Variants in CERT1 observed in about 807,000 individuals in gnomAD.
CERT1 encodes ceramide transfer protein.
CERT1 carries 31 observed loss-of-function variants against 87.9 expected under a neutral mutation model. That is an observed-to-expected ratio of 0.35 (90% CI 0.27 to 0.48). The LOEUF (loss-of-function observed/expected upper bound fraction) is 0.48. Ranked by LOEUF, CERT1 falls within the 20% of genes least tolerant of loss-of-function variation. CERT1 has a pLI of 0.99. For synonymous variants in CERT1, 289 were observed against 250.9 expected (o/e 1.15, Z -1.44); for missense variants, 487 against 758.0 (o/e 0.64, Z 4.20).
At chr5:75,393,440 C>T (rs1344438112) in intron 11 of CERT1, among the ~76,000 whole-genome samples, 1 of 151,274 alleles carries the variant, frequency 6.6e-6, no homozygotes, top group East Asian at 1.9e-4. Context: ...TTTTCTAACA[C>T]TATTACCCAG....
chr5:75,452,324 A>G (rs1056325621), intron 3 of CERT1, among the ~76,000 whole-genome samples: 1 of 152,212 alleles, frequency 6.6e-6, no homozygotes, highest in African/African-American at 2.4e-5. Context: ...TGTGGCCCAT[A>G]GGCACCAACA....
At chr5:75,397,880 A>G (rs1394503375) in intron 11 of CERT1, among the ~76,000 whole-genome samples, 1 of 152,114 alleles carries the variant, frequency 6.6e-6, no homozygotes, top group Non-Finnish European at 1.5e-5. Context: ...TTAGCTGGGC[A>G]TAGTGGTGCG....
rs376286710 is a variant in CERT1 at position 75,392,709 on chromosome 5, C to A, written c.1189-3022G>T. ...GGGAGGCCAGGTGCGGTGGCTCACGCCTGTAATCCCAGCACTTTGGGAGGC... is the reference window on the plus strand; with the variant it reads ...GGGAGGCCAGGTGCGGTGGCTCACGACTGTAATCCCAGCACTTTGGGAGGC... On this transcript the variant is annotated intron_variant, in intron 11 of 16. Transcript: ENST00000643780. 1.1e-4 allele frequency among the ~76,000 whole-genome samples: 16 copies of A among 152,084 alleles called. No individual in the cohort carries two copies. The South Asian group carries it at 3.3e-3, about 32-fold the overall frequency.
At chr5:75,461,645 A>G (rs184591906) in intron 2 of CERT1, among the ~76,000 whole-genome samples, 3 of 152,336 alleles carry the variant, frequency 2.0e-5, no homozygotes, top group Admixed American at 1.3e-4. Flanking sequence ...GAAAAATAAA[A>G]GAACATATAG....
At chr5:75,502,861 G>T (rs756680227) in intron 2 of CERT1, among the ~76,000 whole-genome samples, 2 of 151,914 alleles carry the variant, frequency 1.3e-5, no homozygotes, top group Non-Finnish European at 2.9e-5. Context: ...TCTACTATGC[G>T]GCAAATTTTG....
At chr5:75,428,307 C>A (rs1342284828) in intron 3 of CERT1, among the ~76,000 whole-genome samples, 10 of 143,296 alleles carry the variant, frequency 7.0e-5, no homozygotes, top group African/African-American at 2.5e-4. Flanking sequence ...GGCACCCAAT[C>A]AAAAAAAACG....
At position 75,451,240 on chromosome 5, in the gene CERT1, T is replaced by A. The variant is rs564228421; in HGVS notation, c.348+7825A>T. Among the ~76,000 whole-genome samples, 6 of 152,324 alleles carry A rather than the reference T, an allele frequency of 3.9e-5. No homozygotes were observed. In the South Asian group the frequency reaches 6.2e-4, roughly 16 times the overall value. On this transcript the variant is annotated intron_variant, in intron 3 of 16. Coordinates refer to ENST00000643780, the MANE Select transcript of CERT1 (RefSeq NM_001379029.1). ...ATGCAATTTGGCAGTTAACTCCCAT[T>A]ATTAGGAACCAAATTCTTGATTTTA...
At position 75,419,444 on chromosome 5, in the gene CERT1, G is replaced by A. The variant is rs1763279281; in HGVS notation, c.596-20C>T. ...CTACCACTAAATAAAATATATTTAA[G>A]GAAATTAGGATGAAAAGAAATAGAA... On this transcript the variant is annotated intron_variant, in intron 5 of 16. Coordinates refer to ENST00000643780, the MANE Select transcript of CERT1 (RefSeq NM_001379029.1). The A allele has an allele frequency of 2.0e-6, 3 of 1,483,822 alleles. No homozygotes were observed. The highest frequency in any genetic ancestry group is 2.8e-6 in the Non-Finnish European group (3 of 1,066,746). 91.9% of individuals were successfully genotyped at this position (1,483,822 alleles called of 1,614,324 possible). A position where few individuals can be genotyped will look rare whatever the true frequency, so the allele number is the denominator to read the frequency against.
At position 75,438,369 on chromosome 5, in the gene CERT1, TATA is replaced by T. The variant is rs557491111; in HGVS notation, c.349-11894_349-11892del. Among the ~76,000 whole-genome samples, 56 of 152,322 alleles carry T rather than the reference TATA, an allele frequency of 3.7e-4. No individual in the cohort carries two copies. In the South Asian group the frequency reaches 0.011, roughly 31 times the overall value. Reference sequence around the variant, plus strand: ...AAAACCCACAGTTTTTATTTGCATTTATAATGTCTGCTTTTTGAGGGTGAAGCA... The same window carrying T: ...AAAACCCACAGTTTTTATTTGCATTTATGTCTGCTTTTTGAGGGTGAAGCA... On this transcript the variant is annotated intron_variant, in intron 3 of 16. Coordinates refer to ENST00000643780, the MANE Select transcript of CERT1 (RefSeq NM_001379029.1).
At chr5:75,427,793 G>T in intron 3 of CERT1, among the ~76,000 whole-genome samples, 1 of 151,992 alleles carries the variant, frequency 6.6e-6, no homozygotes, top group East Asian at 1.9e-4. Context: ...AAACCTGTAG[G>T]TTTAGTAAAC....
rs1761566072 is a variant in CERT1 at position 75,381,145 on chromosome 5, C to T, written c.1674G>A (p.Leu558=). The change falls in exon 16 of 17, where the codon TTG becomes TTA. Residue 558 remains leucine, a synonymous_variant. Transcript: ENST00000643780. ...CCTGGTTTCCCTCTGGTGGGCTTAC[C>T]AAGGTTTGACAAATCATAGCAACAT... ...KINVAMICQT[L]VSPPEGNQEI... is the part of the protein sequence containing the mutation. The T allele has an allele frequency of 6.2e-7, 1 of 1,613,924 alleles. No individual in the cohort carries two copies. The highest frequency in any genetic ancestry group is 1.3e-5 in the African/African-American group (1 of 74,878).
chr5:75,463,806 A>G (rs1765339279), intron 2 of CERT1, among the ~76,000 whole-genome samples: 1 of 152,182 alleles, frequency 6.6e-6, no homozygotes, highest in South Asian at 2.1e-4. Flanking sequence ...GGGTCTATAG[A>G]GGAGGGAAGA....
intron 12 of CERT1, 136 bp downstream of exon 12, chr5:75,389,456 G>T: frequency 1.5e-6 from 1 of 664,218 alleles, no homozygotes. Flanking sequence ...TCAATATATG[G>T]TACTGCTTTG....
At chr5:75,455,984 G>A (rs916691669) in intron 3 of CERT1, among the ~76,000 whole-genome samples, 5 of 152,152 alleles carry the variant, frequency 3.3e-5, no homozygotes, top group African/African-American at 1.2e-4. Flanking sequence ...CTCAATAAGT[G>A]TTAGCTCCTA....
intron 3 of CERT1, among the ~76,000 whole-genome samples, chr5:75,436,432 T>C (rs1475011127): frequency 6.6e-6 from 1 of 152,194 alleles, no homozygotes; most frequent in East Asian, 1.9e-4. Flanking sequence ...TAGTTTCTTC[T>C]TTTCTGAGAC....
Position 75,474,200 on chromosome 5 carries a change from CCT to C in CERT1, c.232-15021_232-15020del, listed in dbSNP as rs528481092. On this transcript the variant is annotated intron_variant, in intron 2 of 16. Coordinates refer to ENST00000643780, the MANE Select transcript of CERT1 (RefSeq NM_001379029.1). ...TCTCTGACCACCAGTGCATGCAGCC[CCT>C]GTCACGTACCCCCTGCTTGCTCAAA... Among the ~76,000 whole-genome samples the C allele has an allele frequency of 6.8e-4, 104 of 152,282 alleles. No individual in the cohort carries two copies. The South Asian group carries it at 7.2e-3, about 11-fold the overall frequency.
chr5:75,467,863 TA>T (rs747711447), intron 2 of CERT1, among the ~76,000 whole-genome samples: 5 of 152,198 alleles, frequency 3.3e-5, no homozygotes, highest in Non-Finnish European at 5.9e-5. Flanking sequence ...TATAGCTATG[TA>T]AAATCAGACC....
chr5:75,392,172 T>C (rs1762049965), intron 11 of CERT1, among the ~76,000 whole-genome samples: 1 of 152,170 alleles, frequency 6.6e-6, no homozygotes, highest in Non-Finnish European at 1.5e-5. Context: ...TTAAAAAATA[T>C]ATAGATAGCA....
chr5:75,385,769 T>C, intron 13 of CERT1, 133 bp downstream of exon 13: 1 of 570,094 alleles, frequency 1.8e-6, no homozygotes, highest in East Asian at 3.4e-5. Flanking sequence ...AATGTATTGC[T>C]AGTCCTCTAT....
Sources: allele counts gnomAD v4.1 joint callset (sites outside exome capture counted in the v4.1 genomes callset), GRCh38; gene constraint gnomAD v4.1.1; transcripts MANE v1.5; gene names NCBI Gene and HGNC (gene_info 2026-07-23, HGNC 2026-07-21).